Variants in CSTPP1 observed in about 807,000 individuals in gnomAD.
CSTPP1 encodes the protein centriolar satellite-associated tubulin polyglutamylase complex regulator 1.
At chr11:47,146,319 C>T in the CSTPP1 span, among the ~76,000 whole-genome samples, 2 of 149,344 alleles carry the variant, frequency 1.3e-5, no homozygotes, top group Admixed American at 6.7e-5. Flanking sequence ...GAGCCGAAAC[C>T]GTGCCACTGC....
the CSTPP1 span, among the ~76,000 whole-genome samples, chr11:47,070,200 A>G: frequency 2.0e-5 from 3 of 151,998 alleles, no homozygotes; most frequent in Non-Finnish European, 4.4e-5. Context: ...ATACCCACTG[A>G]TCTGCAGCCT....
chr11:47,107,473 T>G, the CSTPP1 span, among the ~76,000 whole-genome samples: 1 of 152,206 alleles, frequency 6.6e-6, no homozygotes, highest in African/African-American at 2.4e-5. Flanking sequence ...GTCTAATTAT[T>G]TAATGTTCTT....
At chr11:47,139,907 GCAT>G in the CSTPP1 span, among the ~76,000 whole-genome samples, 1 of 152,146 alleles carries the variant, frequency 6.6e-6, no homozygotes, top group African/African-American at 2.4e-5. Flanking sequence ...CTGTGTCATG[GCAT>G]CATTTCTGCT....
At chr11:46,959,841 C>T in the CSTPP1 span, among the ~76,000 whole-genome samples, 3 of 151,336 alleles carry the variant, frequency 2.0e-5, no homozygotes, top group Non-Finnish European at 2.9e-5. Context: ...ATGCTTAGCA[C>T]ACCAATTCAG....
At chr11:47,158,531 GTTTT>G in the CSTPP1 span, among the ~76,000 whole-genome samples, 1 of 151,832 alleles carries the variant, frequency 6.6e-6, no homozygotes, top group Non-Finnish European at 1.5e-5. Flanking sequence ...ACAGTTTAAG[GTTTT>G]TTGTTTTTTG....
the CSTPP1 span, chr11:47,156,928 T>C: frequency 7.5e-7 from 1 of 1,331,126 alleles, no homozygotes; most frequent in Non-Finnish European, 1.0e-6. Context: ...GGTGTGGAAC[T>C]GGGCTGACAG....
At chr11:46,997,837 G>T in the CSTPP1 span, among the ~76,000 whole-genome samples, 2 of 152,200 alleles carry the variant, frequency 1.3e-5, no homozygotes, top group Non-Finnish European at 2.9e-5. Context: ...TCCAGACCCT[G>T]TTTGCCTGGG....
chr11:47,104,893 C>T, the CSTPP1 span, among the ~76,000 whole-genome samples: 2 of 152,232 alleles, frequency 1.3e-5, no homozygotes, highest in Non-Finnish European at 2.9e-5. Context: ...CAGTTTACAT[C>T]TGTTTGTCTC....
chr11:46,969,324 A>C, the CSTPP1 span, among the ~76,000 whole-genome samples: 1 of 152,224 alleles, frequency 6.6e-6, no homozygotes, highest in African/African-American at 2.4e-5. Flanking sequence ...TGATTAAAGT[A>C]TGCAAAATAA....
At chr11:47,042,895 G>T in the CSTPP1 span, among the ~76,000 whole-genome samples, 1 of 152,096 alleles carries the variant, frequency 6.6e-6, no homozygotes, top group African/African-American at 2.4e-5. Context: ...TGGATTTCTG[G>T]TCATGATGGC....
the CSTPP1 span, among the ~76,000 whole-genome samples, chr11:47,102,331 T>G: frequency 6.6e-6 from 1 of 152,092 alleles, no homozygotes. Context: ...AACAGAAGTG[T>G]AATTGTGTTT....
chr11:47,112,424 C>G, the CSTPP1 span, among the ~76,000 whole-genome samples: 2 of 152,042 alleles, frequency 1.3e-5, no homozygotes, highest in Non-Finnish European at 2.9e-5. Flanking sequence ...TGGGTTCAAG[C>G]GATTCTCCTG....
At chr11:47,031,066 C>A in the CSTPP1 span, among the ~76,000 whole-genome samples, 1 of 152,192 alleles carries the variant, frequency 6.6e-6, no homozygotes, top group Non-Finnish European at 1.5e-5. Context: ...TTAATTCTTT[C>A]TTGGTAGTCC....
chr11:47,104,761 A>G, the CSTPP1 span, among the ~76,000 whole-genome samples: 1 of 152,206 alleles, frequency 6.6e-6, no homozygotes. Flanking sequence ...ATAAGGCCCC[A>G]GTTACAGGGC....
chr11:47,118,477 C>T, the CSTPP1 span, among the ~76,000 whole-genome samples: 16 of 152,188 alleles, frequency 1.1e-4, no homozygotes, highest in Non-Finnish European at 1.5e-5. Flanking sequence ...CATTCTCTGT[C>T]CAGCTTTGCT....
the CSTPP1 span, among the ~76,000 whole-genome samples, chr11:47,110,875 A>G: frequency 6.7e-6 from 1 of 149,422 alleles, no homozygotes; most frequent in South Asian, 2.1e-4. Context: ...AGACAGTATG[A>G]CCAAGAGAAC....
the CSTPP1 span, among the ~76,000 whole-genome samples, chr11:47,163,488 C>T: frequency 4.6e-5 from 7 of 152,278 alleles, no homozygotes; most frequent in Non-Finnish European, 7.4e-5. Context: ...CTGTAACTAC[C>T]GTGAGGACTC....
chr11:47,161,957 C>A, the CSTPP1 span: 1 of 1,079,770 alleles, frequency 9.3e-7, no homozygotes, highest in Non-Finnish European at 1.1e-6. Context: ...TCTTCTGAGC[C>A]AGCCTCTGCG....
the CSTPP1 span, among the ~76,000 whole-genome samples, chr11:47,119,721 C>G: frequency 5.4e-5 from 8 of 149,032 alleles, no homozygotes; most frequent in Admixed American, 1.4e-4. Context: ...AAGCAATTCT[C>G]CTGCCTCAGC....
Sources: gnomAD v4.1 joint callset for allele counts (sites outside exome capture counted in the v4.1 genomes callset) on GRCh38, gnomAD v4.1.1 for gene constraint, MANE v1.5 for transcripts, NCBI Gene and HGNC (gene_info 2026-07-23, HGNC 2026-07-21) for gene names.